MCCC1: variants seen among roughly 807,000 people sequenced by gnomAD.
MCCC1 encodes methylcrotonyl-CoA carboxylase subunit 1.
In MCCC1, 64 loss-of-function variants were observed where a neutral mutation model predicts 83.8. That is an observed-to-expected ratio of 0.76 (90% CI 0.62 to 0.94). The LOEUF (loss-of-function observed/expected upper bound fraction) is 0.94. Ranked by LOEUF, MCCC1 falls within the 40% of genes least tolerant of loss-of-function variation. MCCC1 has a pLI of 0.00. For missense variants in MCCC1, 807 were observed against 904.7 expected (o/e 0.89, Z 1.39); for synonymous variants, 322 against 315.4 (o/e 1.02, Z -0.22).
intron 2 of MCCC1, among the ~76,000 whole-genome samples, chr3:183,094,011 C>T (rs1476954523): frequency 3.3e-5 from 5 of 151,638 alleles, no homozygotes; most frequent in African/African-American, 1.2e-4. Context: ...AAAATGTTCT[C>T]CATTATTGCC....
chr3:183,063,713 C>T (rs1002711450), intron 7 of MCCC1, among the ~76,000 whole-genome samples: 1 of 152,100 alleles, frequency 6.6e-6, no homozygotes, highest in East Asian at 1.9e-4. Flanking sequence ...TGGATCAGGA[C>T]CCCCGTCTGG....
At position 183,086,748 on chromosome 3, in the gene MCCC1, T is replaced by C. The variant is rs746430473; in HGVS notation, c.314A>G (p.Gln105Arg). 16 of 1,614,046 alleles carry C rather than the reference T, an allele frequency of 9.9e-6. No homozygotes were observed. In the East Asian group the frequency reaches 3.6e-4, roughly 36 times the overall value. Residue 105 changes from glutamine to arginine, a missense_variant, in exon 4 of 19, where the codon CAG becomes CGG. Coordinates refer to ENST00000265594, the MANE Select transcript of MCCC1 (RefSeq NM_020166.5). ...AYSIGPAPSQ[Q>R]SYLSMEKIIQ... The stretch of plus-strand genomic sequence containing the variant: ...GATTTTCTCCATAGATAGGTAGCTC[T>C]GCTGGGAGGGAGCGGGGCCGATGGA...
intron 11 of MCCC1, among the ~76,000 whole-genome samples, 160 bp downstream of exon 11, chr3:183,041,407 T>G (rs1429353774): frequency 6.6e-6 from 1 of 152,224 alleles, no homozygotes; most frequent in African/African-American, 2.4e-5. Flanking sequence ...AAATAACAAT[T>G]CCAGAGGCAA....
At chr3:183,029,090 C>T (rs577554123) in intron 14 of MCCC1, 1 of 152,280 alleles carries the variant, frequency 6.6e-6, no homozygotes, top group Admixed American at 6.5e-5. Context: ...AACTTTGACT[C>T]ACTTTATTGT....
At chr3:183,111,916 A>G (rs2108587348) in intron 1 of MCCC1, among the ~76,000 whole-genome samples, 1 of 152,108 alleles carries the variant, frequency 6.6e-6, no homozygotes, top group East Asian at 1.9e-4. Context: ...TTGTGTTAAA[A>G]TGTTATTTTG....
upstream of MCCC1, among the ~76,000 whole-genome samples, chr3:183,102,844 T>C (rs1044132344): frequency 7.6e-6 from 1 of 131,498 alleles, no homozygotes; most frequent in African/African-American, 2.8e-5. Context: ...TAGAGTGCAA[T>C]GGCATGATCT....
At chr3:183,098,085 G>A (rs1718873167) in intron 1 of MCCC1, among the ~76,000 whole-genome samples, 2 of 152,098 alleles carry the variant, frequency 1.3e-5, no homozygotes, top group African/African-American at 2.4e-5. Flanking sequence ...GTGTCACCAC[G>A]CCCGGCTAAA....
chr3:183,099,125 C>T, intron 1 of MCCC1: 1 of 601,308 alleles, frequency 1.7e-6, no homozygotes, highest in Non-Finnish European at 3.0e-6. Context: ...AAGCCAAAGG[C>T]GCGCTGAAGC....
At chr3:183,086,267 T>C (rs967817651) in intron 4 of MCCC1, among the ~76,000 whole-genome samples, 8 of 152,212 alleles carry the variant, frequency 5.3e-5, no homozygotes, top group African/African-American at 1.9e-4. Context: ...GCAATTCCAT[T>C]TGCCTGAATC....
At chr3:183,077,576 A>T (rs1213075650) in intron 4 of MCCC1, among the ~76,000 whole-genome samples, 4 of 152,208 alleles carry the variant, frequency 2.6e-5, no homozygotes, top group South Asian at 2.1e-4. Context: ...TCATTTTTTT[A>T]AAAAATTAGG....
intron 1 of MCCC1, among the ~76,000 whole-genome samples, chr3:183,109,884 C>T (rs1417995099): frequency 7.2e-5 from 11 of 152,232 alleles, no homozygotes; most frequent in South Asian, 4.2e-4. Flanking sequence ...AGTGTATAAA[C>T]GTTCCCTTTT....
chr3:183,024,813 C>T (rs1712450296), intron 15 of MCCC1, among the ~76,000 whole-genome samples: 1 of 151,938 alleles, frequency 6.6e-6, no homozygotes, highest in Admixed American at 6.6e-5. Context: ...GGACAAAAAA[C>T]AGGGTCTTAA....
rs779020615 is a variant in MCCC1 at position 183,033,950 on chromosome 3, T to A, written c.1681+41A>T. ...TCTTTTTCAGATTAATGTGATACAT[T>A]TCTATGACTCACATTTCTCTTTTAA... On this transcript the variant is annotated intron_variant, in intron 14 of 18. Coordinates refer to ENST00000265594, the MANE Select transcript of MCCC1 (RefSeq NM_020166.5). 2.8e-6 allele frequency: 4 copies of A among 1,432,690 alleles called. No individual in the cohort carries two copies. The East Asian group carries it at 9.1e-5, about 33-fold the overall frequency. The allele number at this position is 1,432,690 out of a possible 1,614,324, so 88.7% of individuals were successfully genotyped here. A position where few individuals can be genotyped will look rare whatever the true frequency, so the allele number is the denominator to read the frequency against.
In MCCC1 at chr3:183,059,854, T is replaced by G. The variant is rs148281057; in HGVS notation, c.762-2432A>C. ...CTTCTTGCATGGTTTCTGATAAGAT[T>G]TCTTATTTTTATTCCTCTAGTATTT... is the stretch of plus-strand genomic sequence containing the variant. On this transcript the variant is annotated intron_variant, in intron 7 of 18. Transcript: ENST00000265594. Among the ~76,000 whole-genome samples the G allele has an allele frequency of 1.5e-3, 226 of 152,342 alleles. 1 individual carries two copies. The highest frequency in any genetic ancestry group is 5.2e-3 in the African/African-American group (215 of 41,594).
At chr3:183,068,075 T>C (rs555218293) in intron 7 of MCCC1, among the ~76,000 whole-genome samples, 125 of 152,214 alleles carry the variant, frequency 8.2e-4, no homozygotes, top group Non-Finnish European at 1.5e-3. Flanking sequence ...AGATGGATCT[T>C]TGTCCCTCTG....
intron 1 of MCCC1, 71 bp downstream of exon 1, chr3:183,099,281 C>T (rs1469068196): frequency 6.6e-7 from 1 of 1,522,510 alleles, no homozygotes; most frequent in Non-Finnish European, 8.8e-7. Context: ...GCCGCACCTC[C>T]CACCGCTCAC....
At chr3:183,050,547 G>A (rs561175102) in intron 9 of MCCC1, among the ~76,000 whole-genome samples, 54 of 151,810 alleles carry the variant, frequency 3.6e-4, no homozygotes, top group African/African-American at 1.3e-3. Context: ...TACTAAAAAT[G>A]CAAAAAAGTA....
At position 183,041,720 on chromosome 3, in the gene MCCC1, G is replaced by A. The variant is rs544349961; in HGVS notation, c.1114C>T (p.Gln372Ter). 1.2e-5 allele frequency: 20 copies of A among 1,614,144 alleles called. No homozygotes were observed. In the African/African-American group the frequency reaches 2.1e-4, roughly 17 times the overall value. Residue 372 changes from glutamine to a stop codon, truncating the protein, a stop_gained, in exon 11 of 19, where the codon CAG (glutamine) becomes TAG (stop). Transcript: ENST00000265594. LOFTEE classifies it high-confidence loss of function. Reference sequence around the variant, plus strand: ...TGGCCCTGCAGAGTTATTTCTTCCTGGCTCAAAGGAATCTTCTCTCCTGCT... The same window carrying A: ...TGGCCCTGCAGAGTTATTTCTTCCTAGCTCAAAGGAATCTTCTCTCCTGCT... ...IAAGEKIPLSQEEITLQGHAF... is the reference protein window; with the variant it reads ...IAAGEKIPLS
At chr3:183,099,075 T>C (rs1018187801) in intron 1 of MCCC1, 2 of 569,830 alleles carry the variant, frequency 3.5e-6, no homozygotes, top group Admixed American at 3.0e-5. Context: ...GAGGGGAGCC[T>C]GGAGGATGGC....
Sources: gnomAD v4.1 joint callset for allele counts (sites outside exome capture counted in the v4.1 genomes callset) on GRCh38, gnomAD v4.1.1 for gene constraint, MANE v1.5 for transcripts, NCBI Gene and HGNC (gene_info 2026-07-23, HGNC 2026-07-21) for gene names.